The following PCDH10 variants were observed in gnomAD, a reference collection of about 807,000 sequenced individuals.
The protein encoded by PCDH10 is protocadherin 10, also known as protocadherin-10.
In PCDH10, 15 loss-of-function variants were observed where a neutral mutation model predicts 74.4. The observed-to-expected ratio is 0.20, with a 90% CI of 0.13 to 0.31. The LOEUF (loss-of-function observed/expected upper bound fraction) is 0.31. Among genes scored for constraint, PCDH10 ranks in the 10% least tolerant of loss-of-function variants. PCDH10 has a pLI of 1.00. For synonymous variants in PCDH10, 619 were observed against 589.8 expected, an observed-to-expected ratio of 1.05 and a Z score of -0.72; for missense variants, 1,260 against 1,390.2, an observed-to-expected ratio of 0.91 and a Z score of 1.49.
At chr4:133,184,968 G>C (rs1029722713) in intron 4 of PCDH10, among the ~76,000 whole-genome samples, 190 of 147,876 alleles carry the variant, frequency 1.3e-3, no homozygotes, top group African/African-American at 4.4e-3. Context: ...AATTTTGTTT[G>C]ATTTAATCAT....
chr4:133,185,454 G>A lies in PCDH10; in HGVS notation c.3104-4687G>A, dbSNP rs1295692415. ...TTAAACATGGCTCAAGAATAAGACA[G>A]AGGAAGTTAAAAAAATGGATTAACT... On this transcript the variant is annotated intron_variant, in intron 4 of 4. Coordinates refer to ENST00000264360, the MANE Select transcript of PCDH10 (RefSeq NM_032961.3). Among the ~76,000 whole-genome samples, 6 of 152,078 alleles carry A rather than the reference G, an allele frequency of 3.9e-5. No individual in the cohort carries two copies. The East Asian group carries it at 7.7e-4, about 20-fold the overall frequency.
chr4:133,196,556 G>A (rs1267039005), downstream of PCDH10, among the ~76,000 whole-genome samples: 1 of 152,184 alleles, frequency 6.6e-6, no homozygotes, highest in Admixed American at 6.5e-5. Flanking sequence ...GAATCTTGTA[G>A]CCTCCAGCTG....
rs1356103370 is a variant in PCDH10, at chr4:133,149,605, A to G, written c.-536A>G. ...CTGTGCTTTTCCGGCACAAAATTAT[A>G]TCGCTGATTTTAAGCCCTTTTGCAT... On this transcript the variant is annotated 5_prime_UTR_variant, in exon 1 of 5. It adds an upstream start codon to the 5' untranslated region. Coordinates refer to ENST00000264360, the MANE Select transcript of PCDH10 (RefSeq NM_032961.3). The G allele has an allele frequency of 6.6e-6, 1 of 152,580 alleles. No individual in the cohort carries two copies. The highest frequency in any genetic ancestry group is 1.5e-5 in the Non-Finnish European group (1 of 68,290). 9.5% of individuals were successfully genotyped at this position (152,580 alleles called of 1,614,324 possible).
rs1727636213 is a variant in PCDH10, at chr4:133,190,407, G to C, written c.*247G>C. 1.8e-6 allele frequency: 1 copy of C among 545,062 alleles called. No homozygotes were observed. The highest frequency in any genetic ancestry group is 3.3e-5 in the Admixed American group (1 of 30,382). 33.8% of individuals were successfully genotyped at this position (545,062 alleles called of 1,614,324 possible). On this transcript the variant is annotated 3_prime_UTR_variant, in exon 5 of 5. Coordinates refer to ENST00000264360, the MANE Select transcript of PCDH10 (RefSeq NM_032961.3). ...CAGATTTTGCCTCCCCGATCAGTGTGTGCCTGTTTACAGCACTATCTATCT... is the reference window on the plus strand; with the variant it reads ...CAGATTTTGCCTCCCCGATCAGTGTCTGCCTGTTTACAGCACTATCTATCT...
chr4:133,171,402 A>G (rs1345515254), intron 4 of PCDH10, among the ~76,000 whole-genome samples: 2 of 152,200 alleles, frequency 1.3e-5, no homozygotes, highest in African/African-American at 2.4e-5. Flanking sequence ...GAAGTAACAC[A>G]TAACTAAAAT....
chr4:133,163,848 T>C (rs1727025704), intron 4 of PCDH10: 3 of 424,460 alleles, frequency 7.1e-6, no homozygotes, highest in Non-Finnish European at 1.4e-5. Flanking sequence ...TTATGACTGA[T>C]GAAATTGAAA....
intron 2 of PCDH10, 140 bp from the exon 3 acceptor site, chr4:133,154,777 A>T: frequency 1.6e-6 from 1 of 627,148 alleles, no homozygotes; most frequent in Non-Finnish European, 2.8e-6. Flanking sequence ...TAGGCTATAA[A>T]AACTAGCTTT....
intron 4 of PCDH10, among the ~76,000 whole-genome samples, chr4:133,178,385 C>A (rs1202591983): frequency 6.6e-6 from 1 of 151,858 alleles, no homozygotes; most frequent in African/African-American, 2.4e-5. Flanking sequence ...TACAGGCATG[C>A]ACCACCACGA....
chr4:133,191,662 A>G lies in PCDH10; in HGVS notation c.*1502A>G, dbSNP rs888072212. The G allele has an allele frequency of 6.6e-6, 1 of 151,916 alleles. No individual in the cohort carries two copies. The highest frequency in any genetic ancestry group is 6.6e-5 in the Admixed American group (1 of 15,166). 9.4% of individuals were successfully genotyped at this position (151,916 alleles called of 1,614,324 possible). On this transcript the variant is annotated 3_prime_UTR_variant, in exon 5 of 5. Coordinates refer to ENST00000264360, the MANE Select transcript of PCDH10 (RefSeq NM_032961.3). ...AGAGAGGAAAAAAATCAGAGAATAT[A>G]AGATAATCTTTCAAGCAAAAAACAG...
intron 2 of PCDH10, among the ~76,000 whole-genome samples, chr4:133,204,617 G>A (rs1727966481): frequency 6.6e-6 from 1 of 152,206 alleles, no homozygotes; most frequent in Non-Finnish European, 1.5e-5. Flanking sequence ...GAACCAATTA[G>A]TGGTTTGTTC....
In PCDH10 at chr4:133,149,837, A is replaced by AT. The variant is rs1159825782; in HGVS notation, c.-303dup. 4.3e-6 allele frequency: 1 copy of AT among 230,288 alleles called. No individual in the cohort carries two copies. Among genetic ancestry groups the AT allele is most frequent in the African/African-American group, 2.3e-5 (1 of 44,238 alleles). 14.3% of individuals were successfully genotyped at this position (230,288 alleles called of 1,614,324 possible). On this transcript the variant is annotated 5_prime_UTR_variant, in exon 1 of 5. An upstream open reading frame in the 5' UTR gains an earlier in-frame stop. Transcript: ENST00000264360. The stretch of plus-strand genomic sequence containing the variant: ...ATTTGCCAGCGCCAAGACTGTCGGA[A>AT]TAAAGGACGCTGACTATTGTATTAT...
intron 2 of PCDH10, among the ~76,000 whole-genome samples, chr4:133,200,598 A>G (rs1727885580): frequency 6.6e-6 from 1 of 152,228 alleles, no homozygotes; most frequent in East Asian, 1.9e-4. Flanking sequence ...AATTAATCTT[A>G]TTTTCTATTT....
rs372007684 is a variant in PCDH10 at position 133,161,504 on chromosome 4, A to G, written c.2798-1473A>G. Among the ~76,000 whole-genome samples the G allele has an allele frequency of 2.2e-4, 34 of 152,144 alleles. No homozygotes were observed. In the East Asian group the frequency reaches 5.8e-3, roughly 26 times the overall value. ...TATACACAAATATATATAAATCAAT[A>G]TGTAACAGAATACTATCAGGAATTT... is the stretch of plus-strand genomic sequence containing the variant. On this transcript the variant is annotated intron_variant, in intron 3 of 4. Transcript: ENST00000264360.
At position 133,193,689 on chromosome 4, in the gene PCDH10, G is replaced by GT; in HGVS notation, c.*3534dup. ...AGCACTGTTATTTGTCATTGCATGT[G>GT]TTTTTCCCCCTCATGTTTCTATGTG... On this transcript the variant is annotated 3_prime_UTR_variant, in exon 5 of 5. Coordinates refer to ENST00000264360, the MANE Select transcript of PCDH10 (RefSeq NM_032961.3). 6.6e-6 allele frequency: 1 copy of GT among 151,586 alleles called. No individual in the cohort carries two copies. Among genetic ancestry groups the GT allele is most frequent in the East Asian group, 1.9e-4 (1 of 5,178 alleles). 9.4% of individuals were successfully genotyped at this position (151,586 alleles called of 1,614,324 possible).
At position 133,154,927 on chromosome 4, in the gene PCDH10, C is replaced by T; in HGVS notation, c.2701C>T (p.Gln901Ter). 1 of 1,609,090 alleles carries T rather than the reference C, an allele frequency of 6.2e-7. No homozygotes were observed. The highest frequency in any genetic ancestry group is 8.5e-7 in the Non-Finnish European group (1 of 1,175,622). Residue 901 changes from glutamine (Q) to a stop codon, truncating the protein, a stop_gained, in exon 3 of 5, where the codon CAG (glutamine) becomes TAG (stop). Coordinates refer to ENST00000264360, the MANE Select transcript of PCDH10 (RefSeq NM_032961.3). LOFTEE classifies it high-confidence loss of function. ...TTTTTGTACTTCTAGTTCTGCATTC[C>T]AGGAAGCCGACATAGTAAGCTCTAA... ...RPRRVNSSAFQEADIVSSKDS... is the reference protein window; with the variant it reads ...RPRRVNSSAF
At chr4:133,173,488 T>C (rs1197724479) in intron 4 of PCDH10, among the ~76,000 whole-genome samples, 1 of 152,000 alleles carries the variant, frequency 6.6e-6, no homozygotes, top group Non-Finnish European at 1.5e-5. Context: ...ATAAACTATA[T>C]ACGTATGCCA....
intron 2 of PCDH10, among the ~76,000 whole-genome samples, chr4:133,207,211 GTTATTATATTATA>G (rs1728025999): frequency 6.6e-6 from 1 of 151,680 alleles, no homozygotes; most frequent in South Asian, 2.1e-4. Flanking sequence ...TGTTTCTAAG[GTTATTATATTATA>G]TTATAATATA....
chr4:133,154,709 T>G (rs1726826218), intron 2 of PCDH10, among the ~76,000 whole-genome samples: 1 of 152,210 alleles, frequency 6.6e-6, no homozygotes. Flanking sequence ...TGCCTAAACT[T>G]TACATGACTT....
chr4:133,157,634 T>C (rs1726893381), intron 3 of PCDH10, among the ~76,000 whole-genome samples: 1 of 152,180 alleles, frequency 6.6e-6, no homozygotes, highest in Admixed American at 6.5e-5. Context: ...GAATTCTCTC[T>C]TTCAGTTTGT....
Sources: gnomAD v4.1 joint callset for allele counts (sites outside exome capture counted in the v4.1 genomes callset) on GRCh38, gnomAD v4.1.1 for gene constraint, MANE v1.5 for transcripts, NCBI Gene and HGNC (gene_info 2026-07-23, HGNC 2026-07-21) for gene names.